The following SETD5 variants were observed in gnomAD, a reference collection of about 807,000 sequenced individuals.
SETD5 encodes histone-lysine N-methyltransferase SETD5.
A neutral mutation model predicts 153.3 loss-of-function variants in SETD5; 44 were observed. The observed-to-expected ratio is 0.29, with a 90% CI of 0.23 to 0.37. The LOEUF (loss-of-function observed/expected upper bound fraction) is 0.37, where lower values mean the gene tolerates loss of function less well. Ranked by LOEUF, SETD5 falls within the 10% of genes least tolerant of loss-of-function variation. SETD5 has a pLI of 1.00. For missense variants in SETD5, 1,544 were observed against 1,768.0 expected, an observed-to-expected ratio of 0.87 and a Z score of 2.27; for synonymous variants, 716 against 645.2, an observed-to-expected ratio of 1.11 and a Z score of -1.66.
rs756583617 is a variant in SETD5, at chr3:9,442,189, C to T, written c.1021C>T (p.Arg341Cys). Residue 341 changes from arginine to cysteine, a missense_variant, in exon 10 of 23, where the codon CGT becomes TGT. Arg to Cys is a radical substitution (Grantham distance 180, BLOSUM62 -3). Around this residue, in one of 9 missense-constraint regions of SETD5, gnomAD observed 46 missense variants for 111.8 expected, o/e 0.41. Coordinates refer to ENST00000402198, the MANE Select transcript of SETD5 (RefSeq NM_001080517.3). ...FNGVEMCVDA[R>C]TFGNDARFIR... is the part of the protein sequence containing the mutation. ...TGGTGTAGAGATGTGTGTGGATGCC[C>T]GTACTTTCGGTAATGATGCTCGGTT... 1.9e-6 allele frequency: 3 copies of T among 1,610,604 alleles called. No homozygotes were observed. The highest frequency in any genetic ancestry group is 2.2e-5 in the East Asian group (1 of 44,736).
chr3:9,418,381 G>A (rs904302859), intron 1 of SETD5, among the ~76,000 whole-genome samples: 1 of 152,114 alleles, frequency 6.6e-6, no homozygotes, highest in African/African-American at 2.4e-5. Flanking sequence ...TCTATTAAAA[G>A]AATTAAAGGT....
At chr3:9,402,290 G>C (rs2034909046) in intron 1 of SETD5, among the ~76,000 whole-genome samples, 1 of 152,114 alleles carries the variant, frequency 6.6e-6, no homozygotes, top group Non-Finnish European at 1.5e-5. Flanking sequence ...AATACTTAGC[G>C]AAGGGAACTA....
chr3:9,433,334 A>G, intron 3 of SETD5: 1 of 1,268,842 alleles, frequency 7.9e-7, no homozygotes, highest in Non-Finnish European at 1.0e-6. Context: ...TATGATAAAT[A>G]TAAGATGCCA....
Position 9,445,962 on chromosome 3 carries a change from G to GTTTTTTTTT in SETD5, c.1524+224_1524+225insTTTTTTTTT, listed in dbSNP as rs1432231015. ...TATTATCTAGTGATGGTTTGAAGAG[G>GTTTTTTTTT]TTGTTTTTTTTTTTTTTTTTTTTTT... On this transcript the variant is annotated intron_variant, in intron 13 of 22. Transcript: ENST00000402198. Among the ~76,000 whole-genome samples, 53 of 120,210 alleles carry GTTTTTTTTT rather than the reference G, an allele frequency of 4.4e-4. 1 individual carries two copies. Among genetic ancestry groups the GTTTTTTTTT allele is most frequent in the African/African-American group, 1.3e-3 (38 of 28,614 alleles). 78.9% of individuals were successfully genotyped at this position (120,210 alleles called of 152,430 possible). A position where few individuals can be genotyped will look rare whatever the true frequency, so the allele number is the denominator to read the frequency against.
chr3:9,405,136 T>G (rs2035452287), intron 1 of SETD5, among the ~76,000 whole-genome samples: 1 of 152,240 alleles, frequency 6.6e-6, no homozygotes, highest in Non-Finnish European at 1.5e-5. Context: ...TTCTGTATCT[T>G]CTACTTTCTT....
intron 3 of SETD5, chr3:9,431,220 G>C (rs2039924114): frequency 3.0e-6 from 3 of 985,248 alleles, no homozygotes; most frequent in Admixed American, 6.2e-5. Context: ...AGATTTTTCT[G>C]AATTTCCAAC....
intron 1 of SETD5, among the ~76,000 whole-genome samples, chr3:9,403,125 G>T (rs1435683071): frequency 6.6e-6 from 1 of 152,102 alleles, no homozygotes; most frequent in Non-Finnish European, 1.5e-5. Context: ...AGATTATTCA[G>T]TTTGGCATAC....
intron 17 of SETD5, among the ~76,000 whole-genome samples, chr3:9,457,674 T>A (rs2043424402): frequency 6.6e-6 from 1 of 150,536 alleles, no homozygotes. Context: ...ATAACCTTAG[T>A]TGGGTATATG....
intron 10 of SETD5, 105 bp downstream of exon 10, chr3:9,442,350 G>A: frequency 3.8e-6 from 3 of 788,318 alleles, no homozygotes; most frequent in East Asian, 2.7e-5. Context: ...GTAGATAATA[G>A]TCGTGATATT....
intron 16 of SETD5, among the ~76,000 whole-genome samples, chr3:9,450,825 C>G (rs2042541020): frequency 6.6e-6 from 1 of 152,100 alleles, no homozygotes; most frequent in African/African-American, 2.4e-5. Flanking sequence ...CAGTATAGGA[C>G]AAATTAAAGT....
In SETD5 at chr3:9,428,985, A is replaced by G; in HGVS notation, c.47A>G (p.Tyr16Cys). 1.9e-6 allele frequency: 3 copies of G among 1,613,090 alleles called. No homozygotes were observed. The highest frequency in any genetic ancestry group is 2.2e-5 in the South Asian group (2 of 90,934). Residue 16 changes from tyrosine to cysteine, a missense_variant, in exon 3 of 23, where the codon TAC becomes TGC. This residue lies in a region of SETD5 where 251 missense variants were observed against 326.9 expected (regional missense o/e 0.77). Coordinates refer to ENST00000402198, the MANE Select transcript of SETD5 (RefSeq NM_001080517.3). ...PLGVTTSDTS[Y>C]SDMAAGSDPE... ...GGAGTCACCACATCAGATACATCCT[A>G]CTCAGATATGGCTGCTGGATCAGAG...
chr3:9,405,061 T>A (rs879903482), intron 1 of SETD5, among the ~76,000 whole-genome samples: 71 of 152,260 alleles, frequency 4.7e-4, no homozygotes, highest in Non-Finnish European at 7.8e-4. Flanking sequence ...CTTGTTTATA[T>A]GTACTTAAAT....
intron 18 of SETD5, among the ~76,000 whole-genome samples, chr3:9,468,215 A>T (rs1243671894): frequency 1.3e-5 from 2 of 152,016 alleles, no homozygotes; most frequent in African/African-American, 4.8e-5. Flanking sequence ...AAGACGTATA[A>T]CACTAAAATT....
At chr3:9,413,650 GTGTGT>G (rs1260885174) in intron 1 of SETD5, among the ~76,000 whole-genome samples, 1 of 11,170 alleles carries the variant, frequency 9.0e-5, no homozygotes, top group Non-Finnish European at 1.6e-4. Flanking sequence ...GGGAGGCGGG[GTGTGT>G]GTGTGTGTGT....
At chr3:9,470,349 C>G (rs751219602) in intron 18 of SETD5, 110 bp from the exon 19 acceptor site, 1 of 794,018 alleles carries the variant, frequency 1.3e-6, no homozygotes, top group East Asian at 2.4e-5. Context: ...GCTCTACTTC[C>G]GTCCCTCTTA....
intron 17 of SETD5, among the ~76,000 whole-genome samples, chr3:9,457,767 C>T (rs1294717774): frequency 2.1e-5 from 3 of 143,616 alleles, no homozygotes; most frequent in Non-Finnish European, 4.5e-5. Context: ...ATGAATCATA[C>T]GTGAGCCTTT....
In SETD5 at chr3:9,476,340, A is replaced by C. The variant is rs189465678; in HGVS notation, c.*249A>C. 12 of 503,964 alleles carry C rather than the reference A, an allele frequency of 2.4e-5. No homozygotes were observed. The highest frequency in any genetic ancestry group is 2.1e-4 in the African/African-American group (11 of 52,478). The allele number at this position is 503,964 out of a possible 1,614,324, so 31.2% of individuals were successfully genotyped here. A position where few individuals can be genotyped will look rare whatever the true frequency, so the allele number is the denominator to read the frequency against. ...TGCTGTCAAGGGTACATTGTTGACAAGCAAATGGTGTTTCGGTTAGTAACG... is the reference window on the plus strand; with the variant it reads ...TGCTGTCAAGGGTACATTGTTGACACGCAAATGGTGTTTCGGTTAGTAACG... On this transcript the variant is annotated 3_prime_UTR_variant, in exon 23 of 23. Coordinates refer to ENST00000402198, the MANE Select transcript of SETD5 (RefSeq NM_001080517.3).
rs150352462 is a variant in SETD5, at chr3:9,453,363, C to T, written c.2347-376C>T. Among the ~76,000 whole-genome samples, 10 of 152,208 alleles carry T rather than the reference C, an allele frequency of 6.6e-5. No homozygotes were observed. In the East Asian group the frequency reaches 1.5e-3, roughly 23 times the overall value. ...AAGAGATCTTTATCTTCCTTCTAGG[C>T]GCTTATTTTATATATTAGTTTTATT... On this transcript the variant is annotated intron_variant, in intron 16 of 22. Transcript: ENST00000402198.
rs1575628619 is a variant in SETD5 at position 9,475,111 on chromosome 3, C to T, written c.3675C>T (p.Leu1225=). 1 of 1,592,612 alleles carries T rather than the reference C, an allele frequency of 6.3e-7. No individual in the cohort carries two copies. Among genetic ancestry groups the T allele is most frequent in the Non-Finnish European group, 8.5e-7 (1 of 1,169,602 alleles). ...GCCCAGAGACATTAAGCTCAGCACT[C>T]TCTAAAGGAGCAACAGTTTACAGCC... ...GEGPETLSSA[L]SKGATVYSPS... is the part of the protein sequence containing the mutation. The change falls in exon 22 of 23, where the codon CTC becomes CTT. Residue 1225 remains leucine (L), a synonymous_variant. Transcript: ENST00000402198.
Sources: gnomAD v4.1 joint callset for allele counts (sites outside exome capture counted in the v4.1 genomes callset) on GRCh38, gnomAD v4.1.1 for gene constraint, gnomAD v4.1.1 regional missense constraint, MANE v1.5 for transcripts, NCBI Gene and HGNC (gene_info 2026-07-23, HGNC 2026-07-21) for gene names.